The following PC variants were observed in gnomAD, a reference collection of about 807,000 sequenced individuals.
The protein encoded by PC is pyruvate carboxylase.
In PC, 46 loss-of-function variants were observed where a neutral mutation model predicts 107.8. The observed-to-expected ratio is 0.43, with a 90% CI of 0.34 to 0.55. The LOEUF (loss-of-function observed/expected upper bound fraction) is 0.55. Among genes scored for constraint, PC ranks in the 20% least tolerant of loss-of-function variants. PC has a pLI of 0.04. For missense variants in PC, 1,241 were observed against 1,643.1 expected, an observed-to-expected ratio of 0.76 and a Z score of 4.23; for synonymous variants, 662 against 684.7, an observed-to-expected ratio of 0.97 and a Z score of 0.52.
intron 3 of PC, among the ~76,000 whole-genome samples, chr11:66,950,029 A>G (rs548134039): frequency 1.3e-5 from 2 of 152,164 alleles, no homozygotes; most frequent in Non-Finnish European, 2.9e-5. Flanking sequence ...ATTTTCCAGA[A>G]TAAATAATAT....
At chr11:66,868,786 T>C in intron 10 of PC, 60 bp downstream of exon 10, 1 of 1,381,416 alleles carries the variant, frequency 7.2e-7, no homozygotes, top group Non-Finnish European at 1.0e-6. Context: ...CCACTTCGCC[T>C]GTACTTTATG....
chr11:66,849,617 C>T lies in PC; in HGVS notation c.3141G>A (p.Glu1047=). The T allele has an allele frequency of 2.5e-6, 4 of 1,614,216 alleles. No homozygotes were observed. Among genetic ancestry groups the T allele is most frequent in the East Asian group, 2.2e-5 (1 of 44,886 alleles). Reference sequence around the variant, plus strand: ...AAGCGCCAGAGCCACTGACCTCAAACTCCTCTGCGATCTTGGGTCCCTGCA... The same window carrying T: ...AAGCGCCAGAGCCACTGACCTCAAATTCCTCTGCGATCTTGGGTCCCTGCA... The part of the protein sequence containing the change: ...LFLQGPKIAE[E]FEVELERGKT... Residue 1047 remains glutamate, a synonymous_variant, in exon 21 of 23, where the codon GAG becomes GAA. Coordinates refer to ENST00000393960, the MANE Select transcript of PC (RefSeq NM_001040716.2).
rs913626892 is a variant in PC, at chr11:66,857,569, G to A, written c.1369-4186C>T. On this transcript the variant is annotated intron_variant, in intron 12 of 22. Coordinates refer to ENST00000393960, the MANE Select transcript of PC (RefSeq NM_001040716.2). This position sits in a 1 kb window ranked among gnomAD's most constrained non-coding sequence, Gnocchi z 7.1. ...TGTGACCTTTGCTCTGGGGGGCCTGGCCCTGCAGGCCCCAACCTTCCCTCA... is the reference window on the plus strand; with the variant it reads ...TGTGACCTTTGCTCTGGGGGGCCTGACCCTGCAGGCCCCAACCTTCCCTCA... The A allele has an allele frequency of 7.8e-6, 5 of 640,954 alleles. No homozygotes were observed. Among genetic ancestry groups the A allele is most frequent in the Non-Finnish European group, 1.3e-5 (5 of 379,652 alleles). 39.7% of individuals were successfully genotyped at this position (640,954 alleles called of 1,614,324 possible). A position where few individuals can be genotyped will look rare whatever the true frequency, so the allele number is the denominator to read the frequency against.
chr11:66,854,266 T>G (rs1945676223), intron 12 of PC, among the ~76,000 whole-genome samples: 3 of 152,212 alleles, frequency 2.0e-5, no homozygotes, highest in Non-Finnish European at 4.4e-5. Context: ...GCTCCACACC[T>G]TTGCACCTGC....
rs773976056 is a variant in PC at position 66,852,849 on chromosome 11, C to T, written c.1514-13G>A. 2.4e-5 allele frequency: 37 copies of T among 1,543,744 alleles called. No individual in the cohort carries two copies. The highest frequency in any genetic ancestry group is 1.7e-4 in the Middle Eastern group (1 of 5,738). ...ACCATGACATGGCCTGGGGAGAAAGCGGGCAGTGGGTCAGGGTGGGCTGGG... is the reference window on the plus strand; with the variant it reads ...ACCATGACATGGCCTGGGGAGAAAGTGGGCAGTGGGTCAGGGTGGGCTGGG... On this transcript the variant is annotated splice_polypyrimidine_tract_variant and intron_variant, in intron 13 of 22. Transcript: ENST00000393960. The surrounding 1 kb of genome is among the most constrained non-coding windows in gnomAD (Gnocchi z 4.7).
chr11:66,942,737 G>T (rs1949172582), intron 3 of PC, among the ~76,000 whole-genome samples: 1 of 152,110 alleles, frequency 6.6e-6, no homozygotes, highest in Non-Finnish European at 1.5e-5. Flanking sequence ...TTTCGGCTGG[G>T]TGCGATGGCT....
chr11:66,879,484 G>GC (rs1947109913), intron 3 of PC, among the ~76,000 whole-genome samples: 1 of 152,220 alleles, frequency 6.6e-6, no homozygotes, highest in Non-Finnish European at 1.5e-5. Context: ...CCCTGTACCG[G>GC]CCTTCAGTGC....
At chr11:66,888,573 G>A (rs954557333) in intron 3 of PC, among the ~76,000 whole-genome samples, 2 of 152,110 alleles carry the variant, frequency 1.3e-5, no homozygotes, top group Non-Finnish European at 2.9e-5. Flanking sequence ...CTGGAGACCC[G>A]CCAGGCACCT....
intron 3 of PC, among the ~76,000 whole-genome samples, chr11:66,880,552 A>G (rs1591214304): frequency 1.3e-5 from 2 of 151,682 alleles, no homozygotes; most frequent in African/African-American, 4.8e-5. Flanking sequence ...TATTAATGAC[A>G]CTCCCGGTCC....
At chr11:66,860,276 C>A (rs866195127) in intron 12 of PC, 1 of 1,518,226 alleles carries the variant, frequency 6.6e-7, no homozygotes, top group South Asian at 1.2e-5. Context: ...GCCTGGGAGT[C>A]CCTCCCTGGT....
chr11:66,859,859 T>C, intron 12 of PC: 1 of 1,561,814 alleles, frequency 6.4e-7, no homozygotes, highest in South Asian at 1.2e-5. Context: ...CCGTGGGGGG[T>C]GTGCTGGTGG....
intron 12 of PC, among the ~76,000 whole-genome samples, chr11:66,856,494 G>T (rs1352729008): frequency 1.3e-5 from 2 of 152,020 alleles, no homozygotes; most frequent in Non-Finnish European, 2.9e-5. Flanking sequence ...CAGGGGCGCC[G>T]CCCCAGCCCC....
chr11:66,926,205 C>T (rs1472829932), intron 3 of PC, among the ~76,000 whole-genome samples: 1 of 152,188 alleles, frequency 6.6e-6, no homozygotes, highest in African/African-American at 2.4e-5. Context: ...CTATTTCTAT[C>T]TGAAATATAC....
Position 66,850,006 on chromosome 11 carries a change from G to A in PC, c.2829C>T (p.Ser943=), listed in dbSNP as rs769867981. Residue 943 remains serine, a synonymous_variant, in exon 20 of 23, where the codon TCC becomes TCT. Transcript: ENST00000393960. ...AQAEELSFPR[S]VVEFLQGYIG... Reference sequence around the variant, plus strand: ...TGTAGCCCTGCAGGAACTCCACCACGGAGCGGGGAAAGGACAGCTCTTCCG... The same window carrying A: ...TGTAGCCCTGCAGGAACTCCACCACAGAGCGGGGAAAGGACAGCTCTTCCG... The A allele has an allele frequency of 9.9e-6, 16 of 1,613,562 alleles. No individual in the cohort carries two copies. In the Admixed American group the frequency reaches 1.5e-4, roughly 15 times the overall value.
chr11:66,879,984 G>A (rs182184036), intron 3 of PC, among the ~76,000 whole-genome samples: 49 of 152,248 alleles, frequency 3.2e-4, no homozygotes, highest in African/African-American at 1.1e-3. Flanking sequence ...TAAGCTCACC[G>A]CTGTGGTCAC....
Position 66,870,660 on chromosome 11 carries a change from A to G in PC, c.751+115T>C. The G allele has an allele frequency of 8.2e-7, 1 of 1,225,192 alleles. No homozygotes were observed. The highest frequency in any genetic ancestry group is 1.2e-6 in the Non-Finnish European group (1 of 841,334). 75.9% of individuals were successfully genotyped at this position (1,225,192 alleles called of 1,614,324 possible). Reference sequence around the variant, plus strand: ...GCCCACTTTCCAGAGTCCTCTGGAAAAGCGCCCGACAGGCCCCAGGGCTGT... The same window carrying G: ...GCCCACTTTCCAGAGTCCTCTGGAAGAGCGCCCGACAGGCCCCAGGGCTGT... On this transcript the variant is annotated intron_variant, in intron 8 of 22. Coordinates refer to ENST00000393960, the MANE Select transcript of PC (RefSeq NM_001040716.2). This position sits in a 1 kb window ranked among gnomAD's most constrained non-coding sequence, Gnocchi z 6.1.
intron 12 of PC, among the ~76,000 whole-genome samples, chr11:66,854,275 G>A (rs1945676660): frequency 1.3e-5 from 2 of 152,216 alleles, no homozygotes; most frequent in Non-Finnish European, 2.9e-5. Context: ...CTTTGCACCT[G>A]CCTGGGAAGC....
chr11:66,875,109 A>G (rs1193158141), intron 3 of PC, among the ~76,000 whole-genome samples: 1 of 152,124 alleles, frequency 6.6e-6, no homozygotes, highest in Non-Finnish European at 1.5e-5. Flanking sequence ...ACAGGACAGG[A>G]GGGACATGAT....
intron 3 of PC, among the ~76,000 whole-genome samples, chr11:66,947,989 A>G (rs1284773367): frequency 1.3e-5 from 2 of 150,456 alleles, no homozygotes; most frequent in Non-Finnish European, 3.0e-5. Context: ...CCTAAGCAAC[A>G]TACCGAGATC....
Sources: allele counts gnomAD v4.1 joint callset (sites outside exome capture counted in the v4.1 genomes callset), GRCh38; gene constraint gnomAD v4.1.1; non-coding constraint Gnocchi (gnomAD v3.1); transcripts MANE v1.5; gene names NCBI Gene and HGNC (gene_info 2026-07-23, HGNC 2026-07-21).